The following S100Z variants were observed in gnomAD, a reference collection of about 807,000 sequenced individuals.
S100Z encodes S100 calcium binding protein Z, also known as protein S100-Z.
In S100Z, 11 loss-of-function variants were observed where a neutral mutation model predicts 8.5. That is an observed-to-expected ratio of 1.30 (90% CI 0.82 to 2.15). The LOEUF is 2.15. Ranked by LOEUF, S100Z falls within the 30% of genes most tolerant of loss-of-function variation. S100Z has a pLI of 0.00. For missense variants in S100Z, 126 were observed against 117.9 expected (o/e 1.07, Z -0.32); for synonymous variants, 34 against 43.8 (o/e 0.78, Z 0.89).
At chr5:76,931,248 T>C in the S100Z span, among the ~76,000 whole-genome samples, 1 of 152,122 alleles carries the variant, frequency 6.6e-6, no homozygotes, top group African/African-American at 2.4e-5. Flanking sequence ...CTGGGACTTA[T>C]GGAGGTGTGT....
downstream of S100Z, among the ~76,000 whole-genome samples, chr5:76,922,995 G>A (rs576686206): frequency 1.4e-5 from 2 of 144,114 alleles, no homozygotes; most frequent in East Asian, 4.1e-4. Context: ...TTTTCCCTTT[G>A]CCCCTACAAT....
rs187293899 is a variant in S100Z at position 76,851,056 on chromosome 5, C to T, written c.-176+901C>T. On this transcript the variant is annotated intron_variant, in intron 1 of 4. Transcript: ENST00000317593. ...CAGAGTATGTGCTAATTAACGTTGG[C>T]TACTATTATTTTCCTTCAACCCAGT... Among the ~76,000 whole-genome samples, 377 of 152,294 alleles carry T rather than the reference C, an allele frequency of 2.5e-3. 2 individuals are homozygous for T. Among genetic ancestry groups the T allele is most frequent in the African/African-American group, 8.8e-3 (366 of 41,568 alleles).
At chr5:76,915,450 C>CA (rs952790764) in intron 4 of S100Z, among the ~76,000 whole-genome samples, 4 of 150,440 alleles carry the variant, frequency 2.7e-5, no homozygotes, top group Admixed American at 6.6e-5. Flanking sequence ...AAAAAAAATA[C>CA]AAAAAAAATT....
At chr5:76,931,151 G>T in the S100Z span, among the ~76,000 whole-genome samples, 2 of 151,642 alleles carry the variant, frequency 1.3e-5, no homozygotes, top group African/African-American at 4.8e-5. Flanking sequence ...GTCGTCGAGG[G>T]TTGGAGTGCA....
chr5:76,852,337 A>G (rs1281889793), intron 1 of S100Z, among the ~76,000 whole-genome samples: 4 of 152,178 alleles, frequency 2.6e-5, no homozygotes, highest in Non-Finnish European at 5.9e-5. Flanking sequence ...TTACACTAGC[A>G]GCCTGGCCGT....
the S100Z span, among the ~76,000 whole-genome samples, chr5:76,933,040 G>A: frequency 1.3e-4 from 20 of 152,282 alleles, no homozygotes; most frequent in East Asian, 2.5e-3. Context: ...CTCAATTCTC[G>A]CTATTTGCAA....
intron 4 of S100Z, among the ~76,000 whole-genome samples, chr5:76,884,732 A>G (rs1743538553): frequency 6.6e-6 from 1 of 152,090 alleles, no homozygotes; most frequent in Non-Finnish European, 1.5e-5. Flanking sequence ...GGGTGTGAGG[A>G]GGGGAGGTGA....
the S100Z span, among the ~76,000 whole-genome samples, chr5:76,936,616 TACACACACACACACACAC>T: frequency 1.5e-5 from 2 of 134,066 alleles, no homozygotes; most frequent in Non-Finnish European, 3.2e-5. Flanking sequence ...TTAAAGTTCC[TACACACACACACACACAC>T]ACACACACAC....
At chr5:76,908,549 C>T (rs1307315335) in intron 4 of S100Z, among the ~76,000 whole-genome samples, 1 of 152,210 alleles carries the variant, frequency 6.6e-6, no homozygotes, top group Non-Finnish European at 1.5e-5. Context: ...GGCACCTGGG[C>T]TCACCAATGA....
At chr5:76,942,443 A>AAAAAAAAAAAC in the S100Z span, among the ~76,000 whole-genome samples, 1 of 149,004 alleles carries the variant, frequency 6.7e-6, no homozygotes, top group Non-Finnish European at 1.5e-5. Context: ...CAAAAAAAAA[A>AAAAAAAAAAAC]GCAAAAACCT....
At chr5:76,901,946 G>T (rs1247071953) in intron 4 of S100Z, among the ~76,000 whole-genome samples, 1 of 152,114 alleles carries the variant, frequency 6.6e-6, no homozygotes, top group Non-Finnish European at 1.5e-5. Flanking sequence ...CCAGGACCGG[G>T]TTCTTTCCTT....
In S100Z at chr5:76,903,968, C is replaced by G. The variant is rs183595595; in HGVS notation, c.*3-16749C>G. On this transcript the variant is annotated intron_variant, in intron 4 of 4. Transcript: ENST00000317593. ...GTTAGGCTGGTCTCGAACTCCTGAC[C>G]TCATGATCCACACACCTTGGCCTCC... Among the ~76,000 whole-genome samples, 540 of 151,884 alleles carry G rather than the reference C, an allele frequency of 3.6e-3. 6 individuals are homozygous for G. Among genetic ancestry groups the G allele is most frequent in the African/African-American group, 0.013 (524 of 41,418 alleles).
chr5:76,851,234 C>T (rs1056175986), intron 1 of S100Z, among the ~76,000 whole-genome samples: 3 of 152,126 alleles, frequency 2.0e-5, no homozygotes, highest in African/African-American at 7.2e-5. Context: ...GTGTGCGGCA[C>T]AGATGGTGCA....
At chr5:76,906,466 C>G (rs1744425405) in intron 4 of S100Z, among the ~76,000 whole-genome samples, 1 of 152,124 alleles carries the variant, frequency 6.6e-6, no homozygotes, top group Non-Finnish European at 1.5e-5. Flanking sequence ...CTGCTACTAT[C>G]ATTGTACTTT....
intron 2 of S100Z, among the ~76,000 whole-genome samples, chr5:76,874,108 C>T (rs1300024043): frequency 6.6e-6 from 1 of 152,062 alleles, no homozygotes; most frequent in Non-Finnish European, 1.5e-5. Flanking sequence ...TAGGTAACTG[C>T]AAGCACACAT....
chr5:76,884,028 GTTAA>G (rs1213675097), intron 4 of S100Z, among the ~76,000 whole-genome samples: 2 of 152,256 alleles, frequency 1.3e-5, no homozygotes, highest in African/African-American at 4.8e-5. Flanking sequence ...TTGAAGCGAG[GTTAA>G]TTAAGTCCTG....
chr5:76,877,987 G>A (rs577756456), intron 4 of S100Z, 153 bp downstream of exon 4: 1 of 463,070 alleles, frequency 2.2e-6, no homozygotes. Context: ...ATTGAATTAT[G>A]TGCCCCTTAA....
chr5:76,950,748 C>T, the S100Z span, among the ~76,000 whole-genome samples: 8 of 152,202 alleles, frequency 5.3e-5, no homozygotes, highest in South Asian at 4.1e-4. Context: ...AAAAAAAAAT[C>T]CAGTTTGCTT....
At chr5:76,887,299 G>A (rs1743679773) in intron 4 of S100Z, among the ~76,000 whole-genome samples, 2 of 149,392 alleles carry the variant, frequency 1.3e-5, no homozygotes, top group South Asian at 4.2e-4. Context: ...GTTTCACCAT[G>A]TTGGGGCCAG....
Sources: gnomAD v4.1 joint callset for allele counts (sites outside exome capture counted in the v4.1 genomes callset) on GRCh38, gnomAD v4.1.1 for gene constraint, MANE v1.5 for transcripts, NCBI Gene and HGNC (gene_info 2026-07-23, HGNC 2026-07-21) for gene names.